Variants in ATP5MG observed in about 807,000 individuals in gnomAD.
ATP5MG encodes ATP synthase F(0) complex subunit g, mitochondrial.
In ATP5MG, 7 loss-of-function variants were observed where a neutral mutation model predicts 12.7. That is an observed-to-expected ratio of 0.55 (90% confidence interval 0.31 to 1.04). ATP5MG has a LOEUF of 1.04. Among genes scored for constraint, ATP5MG ranks in the 50% least tolerant of loss-of-function variants. ATP5MG has a pLI of 0.05. For missense variants in ATP5MG, 116 were observed against 126.7 expected (o/e 0.92, Z 0.41); for synonymous variants, 53 against 48.2 (o/e 1.10, Z -0.41).
rs1428812265 is a variant in ATP5MG, at chr11:118,409,712, GT to G, written c.*616del. The G allele has an allele frequency of 6.6e-6, 1 of 152,074 alleles. No homozygotes were observed. The highest frequency in any genetic ancestry group is 2.4e-5 in the African/African-American group (1 of 41,406). 9.4% of individuals were successfully genotyped at this position (152,074 alleles called of 1,614,324 possible). A position where few individuals can be genotyped will look rare whatever the true frequency, so the allele number is the denominator to read the frequency against. On this transcript the variant is annotated 3_prime_UTR_variant, in exon 3 of 3. Transcript: ENST00000300688. ...CATGTGAAATCTGATTTTTATGTGT[GT>G]TATTCGTTTGTCTGGTTTTACTACC...
intron 1 of ATP5MG, 30 bp downstream of exon 1, chr11:118,401,747 G>A (rs1948928678): frequency 2.5e-6 from 4 of 1,604,590 alleles, no homozygotes. Context: ...GCCGAGGCGG[G>A]CACACGGGCG....
rs1948978911 is a variant in ATP5MG at position 118,407,058 on chromosome 11, TAG to T, written c.175_176del (p.Ser59CysfsTer5). 1 of 1,613,988 alleles carries T rather than the reference TAG, an allele frequency of 6.2e-7. No homozygotes were observed. The highest frequency in any genetic ancestry group is 1.3e-5 in the African/African-American group (1 of 74,926). On this transcript the variant is annotated frameshift_variant, in exon 2 of 3. Transcript: ENST00000300688. LOFTEE classifies it high-confidence loss of function. ...TTCAGAGCCTGAAAAAAATAGTCAA[TAG>T]TGCTCAGACTGGTAGCTTCAAACAG... Reference protein sequence around the residue: ...AIQSLKKIVNSAQTGSFKQLT... With the variant: ...AIQSLKKIVNXAQTGSFKQLT...
At position 118,409,737 on chromosome 11, in the gene ATP5MG, C is replaced by T. The variant is rs1949001206; in HGVS notation, c.*639C>T. On this transcript the variant is annotated 3_prime_UTR_variant, in exon 3 of 3. Transcript: ENST00000300688. ...GTTATTCGTTTGTCTGGTTTTACTA[C>T]CTTTGCAAAAACAAAATACCCCAAA... is the stretch of plus-strand genomic sequence containing the variant. The T allele has an allele frequency of 1.3e-5, 2 of 152,106 alleles. No homozygotes were observed. The highest frequency in any genetic ancestry group is 4.8e-5 in the African/African-American group (2 of 41,426). The allele number at this position is 152,106 out of a possible 1,614,324, so 9.4% of individuals were successfully genotyped here. A position where few individuals can be genotyped will look rare whatever the true frequency, so the allele number is the denominator to read the frequency against.
At chr11:118,405,760 AT>A (rs1306968925) in intron 1 of ATP5MG, 1 of 967,492 alleles carries the variant, frequency 1.0e-6, no homozygotes, top group African/African-American at 1.8e-5. Flanking sequence ...TAATTCAGAA[AT>A]ACTCAAATGG....
In ATP5MG at chr11:118,401,728, T is replaced by C; in HGVS notation, c.52+11T>C. 3.7e-6 allele frequency: 6 copies of C among 1,610,812 alleles called. No individual in the cohort carries two copies. Among genetic ancestry groups the C allele is most frequent in the Non-Finnish European group, 5.1e-6 (6 of 1,177,702 alleles). Reference sequence around the variant, plus strand: ...CGGCGCTGGTGAACGGTGAGCGCGATGTGAGACCGCCGAGGCGGGCACACG... The same window carrying C: ...CGGCGCTGGTGAACGGTGAGCGCGACGTGAGACCGCCGAGGCGGGCACACG... On this transcript the variant is annotated intron_variant, in intron 1 of 2. Transcript: ENST00000300688.
At position 118,409,083 on chromosome 11, in the gene ATP5MG, T is replaced by C; in HGVS notation, c.297T>C (p.Ile99=). The C allele has an allele frequency of 1.2e-6, 2 of 1,607,088 alleles. No homozygotes were observed. The highest frequency in any genetic ancestry group is 1.7e-6 in the Non-Finnish European group (2 of 1,176,392). ...AGATTATAGGCAAGCGGGGCATCATTGGCTATGATGTTTGAAGACCAATCT... is the reference window on the plus strand; with the variant it reads ...AGATTATAGGCAAGCGGGGCATCATCGGCTATGATGTTTGAAGACCAATCT... The part of the protein sequence containing the change: ...VGEIIGKRGI[I]GYDV Residue 99 remains isoleucine (I), a synonymous_variant, in exon 3 of 3, where the codon ATT becomes ATC. Coordinates refer to ENST00000300688, the MANE Select transcript of ATP5MG (RefSeq NM_006476.5).
At chr11:118,408,850 C>T in intron 2 of ATP5MG, 150 bp from the exon 3 acceptor site, 1 of 217,186 alleles carries the variant, frequency 4.6e-6, no homozygotes, top group Non-Finnish European at 8.4e-6. Context: ...TAATTCTCAA[C>T]TTTGACTAAA....
chr11:118,405,771 G>T (rs1948966826), intron 1 of ATP5MG: 1 of 944,398 alleles, frequency 1.1e-6, no homozygotes, highest in African/African-American at 1.8e-5. Context: ...TACTCAAATG[G>T]AGGCCGTTAA....
chr11:118,406,566 A>G (rs1948973453), intron 1 of ATP5MG: 1 of 197,806 alleles, frequency 5.1e-6, no homozygotes, highest in Non-Finnish European at 1.1e-5. Flanking sequence ...GTCTCTCTCC[A>G]AGAAAATATG....
rs115490175 is a variant in ATP5MG, at chr11:118,407,352, A to T, written c.213+255A>T. The T allele has an allele frequency of 1.9e-3, 881 of 463,332 alleles. 3 individuals carry two copies. The highest frequency in any genetic ancestry group is 0.016 in the African/African-American group (822 of 50,380). 28.7% of individuals were successfully genotyped at this position (463,332 alleles called of 1,614,324 possible). On this transcript the variant is annotated intron_variant, in intron 2 of 2. Transcript: ENST00000300688. ...AAAAAGTGACCATTTTTATTGGGAA[A>T]TTTTTTTTCCTTTCCTATATTAGAT...
rs571756379 is a variant in ATP5MG, at chr11:118,406,961, G to A, written c.77G>A (p.Arg26Gln). 5.6e-6 allele frequency: 9 copies of A among 1,611,914 alleles called. No homozygotes were observed. The highest frequency in any genetic ancestry group is 7.6e-6 in the Non-Finnish European group (9 of 1,178,990). Reference protein sequence around the residue: ...VNAAVTYSKPRLATFWYYAKV... With the variant: ...VNAAVTYSKPQLATFWYYAKV... ...GCTGCTGTGACTTACTCGAAGCCTC[G>A]ATTGGCCACATTTTGGTACTACGCC... is the stretch of plus-strand genomic sequence containing the variant. The change falls in exon 2 of 3, where the codon CGA becomes CAA. Residue 26 changes from arginine (R) to glutamine (Q), a missense_variant. Coordinates refer to ENST00000300688, the MANE Select transcript of ATP5MG (RefSeq NM_006476.5).
In ATP5MG at chr11:118,409,767, T is replaced by C. The variant is rs561871957; in HGVS notation, c.*669T>C. ...GCAAAAACAAAATACCCCAAAGATATTTAAACAAGGTTATAATTTAGCATC... is the reference window on the plus strand; with the variant it reads ...GCAAAAACAAAATACCCCAAAGATACTTAAACAAGGTTATAATTTAGCATC... On this transcript the variant is annotated 3_prime_UTR_variant, in exon 3 of 3. Coordinates refer to ENST00000300688, the MANE Select transcript of ATP5MG (RefSeq NM_006476.5). 2 of 152,196 alleles carry C rather than the reference T, an allele frequency of 1.3e-5. No homozygotes were observed. Among genetic ancestry groups the C allele is most frequent in the Non-Finnish European group, 2.9e-5 (2 of 68,034 alleles). The allele number at this position is 152,196 out of a possible 1,614,324, so 9.4% of individuals were successfully genotyped here. A position where few individuals can be genotyped will look rare whatever the true frequency, so the allele number is the denominator to read the frequency against.
intron 1 of ATP5MG, among the ~76,000 whole-genome samples, chr11:118,404,694 C>A (rs1223449993): frequency 6.6e-6 from 1 of 152,124 alleles, no homozygotes; most frequent in African/African-American, 2.4e-5. Context: ...GTTATAGGTT[C>A]CTCTACTGTA....
chr11:118,407,125 G>A (rs1407488575), intron 2 of ATP5MG, 28 bp downstream of exon 2: 17 of 1,612,670 alleles, frequency 1.1e-5, no homozygotes, highest in South Asian at 4.4e-5. Flanking sequence ...GAAAACGGAT[G>A]TGCATAACAG....
At chr11:118,404,722 TC>T (rs1222471210) in intron 1 of ATP5MG, among the ~76,000 whole-genome samples, 2 of 152,312 alleles carry the variant, frequency 1.3e-5, no homozygotes, top group Admixed American at 1.3e-4. Flanking sequence ...TGTTTTTCTC[TC>T]CGTGTTCTAT....
Position 118,409,226 on chromosome 11 carries a change from C to A in ATP5MG, c.*128C>A. The A allele has an allele frequency of 2.0e-6, 1 of 491,894 alleles. No individual in the cohort carries two copies. The highest frequency in any genetic ancestry group is 3.2e-6 in the Non-Finnish European group (1 of 309,592). 30.5% of individuals were successfully genotyped at this position (491,894 alleles called of 1,614,324 possible). A position where few individuals can be genotyped will look rare whatever the true frequency, so the allele number is the denominator to read the frequency against. On this transcript the variant is annotated 3_prime_UTR_variant, in exon 3 of 3. Coordinates refer to ENST00000300688, the MANE Select transcript of ATP5MG (RefSeq NM_006476.5). ...TCAGTGTTTTCTCCATCAGATACTC[C>A]ATGAAAGGTCACAATTTCTCTTGAT...
At chr11:118,405,776 C>A in intron 1 of ATP5MG, 1 of 924,518 alleles carries the variant, frequency 1.1e-6, no homozygotes, top group Non-Finnish European at 1.3e-6. Context: ...AAATGGAGGC[C>A]GTTAATATGA....
intron 1 of ATP5MG, chr11:118,406,716 C>T (rs1266511210): frequency 2.0e-5 from 12 of 592,096 alleles, no homozygotes; most frequent in Middle Eastern, 9.4e-4. Context: ...TTATAGCATC[C>T]TGCCTGATTG....
In ATP5MG at chr11:118,408,984, A is replaced by G; in HGVS notation, c.214-16A>G. 3 of 1,459,850 alleles carry G rather than the reference A, an allele frequency of 2.1e-6. No individual in the cohort carries two copies. Among genetic ancestry groups the G allele is most frequent in the Non-Finnish European group, 2.8e-6 (3 of 1,066,744 alleles). The allele number at this position is 1,459,850 out of a possible 1,614,324, so 90.4% of individuals were successfully genotyped here. A position where few individuals can be genotyped will look rare whatever the true frequency, so the allele number is the denominator to read the frequency against. On this transcript the variant is annotated splice_polypyrimidine_tract_variant and intron_variant, in intron 2 of 2. Coordinates refer to ENST00000300688, the MANE Select transcript of ATP5MG (RefSeq NM_006476.5). ...ATATATAAAAGGTACCTTAAAATGTATGCTTCTTTTTTCAGGAAGCTGTGC... is the reference window on the plus strand; with the variant it reads ...ATATATAAAAGGTACCTTAAAATGTGTGCTTCTTTTTTCAGGAAGCTGTGC...
Sources: gnomAD v4.1 joint callset for allele counts (sites outside exome capture counted in the v4.1 genomes callset) on GRCh38, gnomAD v4.1.1 for gene constraint, MANE v1.5 for transcripts, NCBI Gene and HGNC (gene_info 2026-07-23, HGNC 2026-07-21) for gene names.